Variants in AGBL4 observed in about 807,000 individuals in gnomAD.
The protein encoded by AGBL4 is AGBL carboxypeptidase 4.
Under a neutral mutation model 66.4 loss-of-function variants are expected in AGBL4, and 58 were observed. The ratio of observed to expected loss-of-function variants is 0.87; its 90% CI spans 0.71 to 1.09. The LOEUF (loss-of-function observed/expected upper bound fraction) is 1.09, where lower values mean the gene tolerates loss of function less well. Ranked by LOEUF, AGBL4 falls within the 50% of genes least tolerant of loss-of-function variation. AGBL4 has a pLI of 0.00. For missense variants in AGBL4, 579 were observed against 631.0 expected (o/e 0.92, Z 0.88); for synonymous variants, 234 against 222.9 (o/e 1.05, Z -0.44).
chr1:49,342,594 A>T (rs1255475191), intron 3 of AGBL4, among the ~76,000 whole-genome samples: 1 of 152,142 alleles, frequency 6.6e-6, no homozygotes, highest in Non-Finnish European at 1.5e-5. Context: ...TTGAGCAGTT[A>T]AAAAGCTTTT....
intron 5 of AGBL4, among the ~76,000 whole-genome samples, chr1:48,955,276 T>C (rs1423283444): frequency 6.6e-6 from 1 of 152,186 alleles, no homozygotes; most frequent in Non-Finnish European, 1.5e-5. Flanking sequence ...TATAATATTT[T>C]TGATAAGTGG....
chr1:49,580,032 C>T lies in AGBL4; in HGVS notation c.282+117281G>A, dbSNP rs375380968. Among the ~76,000 whole-genome samples, 12 of 152,236 alleles carry T rather than the reference C, an allele frequency of 7.9e-5. 1 individual carries two copies. The highest frequency in any genetic ancestry group is 2.0e-4 in the Admixed American group (3 of 15,302). On this transcript the variant is annotated intron_variant, in intron 3 of 13. Transcript: ENST00000371839. ...TGTAGCTAGGGTTGTTATATTCTCA[C>T]GCTCAATTGATCCCTGTGTGATTAT... is the stretch of plus-strand genomic sequence containing the variant.
chr1:49,093,021 A>T (rs545785599), intron 4 of AGBL4, among the ~76,000 whole-genome samples: 7 of 152,150 alleles, frequency 4.6e-5, no homozygotes, highest in Non-Finnish European at 8.8e-5. Context: ...GGGAAAAGAC[A>T]TAAAATCCTG....
chr1:48,631,066 A>G (rs781471626), intron 9 of AGBL4, among the ~76,000 whole-genome samples: 40 of 152,180 alleles, frequency 2.6e-4, no homozygotes, highest in Admixed American at 1.1e-3. Flanking sequence ...GACAGTTGAT[A>G]TTGGAGGGTC....
At chr1:48,836,970 C>A (rs933686015) in intron 6 of AGBL4, among the ~76,000 whole-genome samples, 1 of 146,792 alleles carries the variant, frequency 6.8e-6, no homozygotes, top group Admixed American at 6.8e-5. Context: ...ATAATATATA[C>A]AATATTATAT....
At chr1:48,993,159 C>A (rs893015502) in intron 5 of AGBL4, among the ~76,000 whole-genome samples, 1 of 152,184 alleles carries the variant, frequency 6.6e-6, no homozygotes, top group Admixed American at 6.5e-5. Context: ...CTGACTATCA[C>A]TGCTGATTAT....
chr1:49,641,614 T>C (rs1645782681), intron 3 of AGBL4, among the ~76,000 whole-genome samples: 3 of 152,224 alleles, frequency 2.0e-5, no homozygotes, highest in South Asian at 4.1e-4. Flanking sequence ...ATGGTTCAAC[T>C]GGATTTTTGT....
intron 5 of AGBL4, among the ~76,000 whole-genome samples, chr1:48,879,100 A>G (rs1649501767): frequency 6.6e-6 from 1 of 152,154 alleles, no homozygotes; most frequent in African/African-American, 2.4e-5. Flanking sequence ...CCTGAAACAA[A>G]CATCTTTGCC....
At chr1:49,710,080 C>A (rs1018448081) in intron 2 of AGBL4, among the ~76,000 whole-genome samples, 1 of 152,046 alleles carries the variant, frequency 6.6e-6, no homozygotes, top group Non-Finnish European at 1.5e-5. Context: ...CCCAGTAATC[C>A]CATTACTGGA....
Position 49,420,559 on chromosome 1 carries a change from G to A in AGBL4, c.283-174695C>T, listed in dbSNP as rs1464160620. On this transcript the variant is annotated intron_variant, in intron 3 of 13. Transcript: ENST00000371839. The stretch of plus-strand genomic sequence containing the variant: ...ACTAAAAATACAAAAAAATTAGCCA[G>A]GCGTGGTGTTGGGCACCTGCAGTCC... Among the ~76,000 whole-genome samples, 3 of 152,190 alleles carry A rather than the reference G, an allele frequency of 2.0e-5. No individual in the cohort carries two copies. The East Asian group carries it at 5.8e-4, about 30-fold the overall frequency.
intron 5 of AGBL4, among the ~76,000 whole-genome samples, chr1:49,005,601 A>G (rs1557549309): frequency 6.6e-6 from 1 of 152,176 alleles, no homozygotes; most frequent in Non-Finnish European, 1.5e-5. Context: ...TTACTGTTAG[A>G]TATTGTTGTT....
chr1:49,052,652 G>T (rs1257485844), intron 4 of AGBL4, among the ~76,000 whole-genome samples: 2 of 152,084 alleles, frequency 1.3e-5, no homozygotes, highest in Non-Finnish European at 2.9e-5. Context: ...AATGGGTCAG[G>T]TTTGCACTGA....
chr1:48,698,888 T>A (rs1646756641), intron 6 of AGBL4, among the ~76,000 whole-genome samples: 2 of 152,214 alleles, frequency 1.3e-5, no homozygotes, highest in African/African-American at 2.4e-5. Context: ...GAGAGCAGTG[T>A]TTAAACCTAG....
the AGBL4 span, among the ~76,000 whole-genome samples, chr1:48,527,756 A>G: frequency 6.6e-6 from 1 of 152,232 alleles, no homozygotes; most frequent in African/African-American, 2.4e-5. Context: ...GTTAAGAGGA[A>G]CAGAGATGTT....
intron 5 of AGBL4, among the ~76,000 whole-genome samples, chr1:49,038,377 A>G (rs1017610658): frequency 6.6e-6 from 1 of 152,022 alleles, no homozygotes; most frequent in African/African-American, 2.4e-5. Flanking sequence ...TTACTGGCTT[A>G]GGGTGGCTGA....
At chr1:49,457,277 G>C (rs574345597) in intron 3 of AGBL4, among the ~76,000 whole-genome samples, 1 of 151,834 alleles carries the variant, frequency 6.6e-6, no homozygotes, top group East Asian at 1.9e-4. Flanking sequence ...TTGCAGGAGT[G>C]AGATAGTATC....
At chr1:49,286,786 C>A (rs1644421786) in intron 3 of AGBL4, among the ~76,000 whole-genome samples, 1 of 152,036 alleles carries the variant, frequency 6.6e-6, no homozygotes, top group East Asian at 1.9e-4. Context: ...GGCCATACTG[C>A]CTAAGGTAAT....
At chr1:48,565,243 G>A (rs537384225) in intron 11 of AGBL4, among the ~76,000 whole-genome samples, 1 of 152,256 alleles carries the variant, frequency 6.6e-6, no homozygotes, top group Admixed American at 6.5e-5. Flanking sequence ...CTGCAGCACT[G>A]GAGGGTTAAC....
At chr1:49,026,031 A>G (rs2149028620) in intron 5 of AGBL4, among the ~76,000 whole-genome samples, 2 of 152,164 alleles carry the variant, frequency 1.3e-5, no homozygotes, top group Middle Eastern at 3.4e-3. Context: ...TGCCTCTACT[A>G]CCACAAATCA....
Sources: gnomAD v4.1 joint callset for allele counts (sites outside exome capture counted in the v4.1 genomes callset) on GRCh38, gnomAD v4.1.1 for gene constraint, MANE v1.5 for transcripts, NCBI Gene and HGNC (gene_info 2026-07-23, HGNC 2026-07-21) for gene names.